OXTR: variants seen among roughly 807,000 people sequenced by gnomAD.
OXTR encodes the protein oxytocin receptor.
In OXTR, 19 loss-of-function variants were observed where a neutral mutation model predicts 23.9. The observed-to-expected ratio is 0.80, with a 90% confidence interval of 0.56 to 1.17. The LOEUF is 1.17. Ranked by LOEUF, OXTR falls within the 50% of genes most tolerant of loss-of-function variation. OXTR has a pLI of 0.00. For missense variants in OXTR, 500 were observed against 550.7 expected (o/e 0.91, Z 0.92); for synonymous variants, 278 against 250.5 (o/e 1.11, Z -1.04).
chr3:8,745,810 C>T (rs769859957), downstream of OXTR: 83 of 1,613,764 alleles, frequency 5.1e-5, 1 homozygote, highest in Middle Eastern at 6.6e-4. This position sits in a 1 kb window ranked among gnomAD's most constrained non-coding sequence, Gnocchi z 4.8. Context: ...ACCCACTCTT[C>T]GCGGCCCTGG....
chr3:8,767,765 G>A lies in OXTR; in HGVS notation c.423C>T (p.Ile141=), dbSNP rs1403050270. The change falls in exon 3 of 4, where the codon ATC becomes ATT. Residue 141 remains isoleucine (I), a synonymous_variant. Transcript: ENST00000316793. Reference sequence around the variant, plus strand: ...GGCGCAGCGAGCGCAGCGGCTGGCAGATGGCCAGGCAGCGGTCCAGGGACA... The same window carrying A: ...GGCGCAGCGAGCGCAGCGGCTGGCAAATGGCCAGGCAGCGGTCCAGGGACA... The part of the protein sequence containing the change: ...LLMSLDRCLA[I]CQPLRSLRRR... 9 of 1,605,776 alleles carry A rather than the reference G, an allele frequency of 5.6e-6. No homozygotes were observed. The South Asian group carries it at 7.7e-5, about 14-fold the overall frequency.
Position 8,768,096 on chromosome 3 carries a change from G to C in OXTR, c.92C>G (p.Pro31Arg). ...PGAEGNRTAG[P>R]PRRNEALARV... Reference sequence around the variant, plus strand: ...CGCCAGGGCCTCGTTGCGCCGCGGGGGTCCGGCGGTGCGGTTGCCCTCGGC... The same window carrying C: ...CGCCAGGGCCTCGTTGCGCCGCGGGCGTCCGGCGGTGCGGTTGCCCTCGGC... The change falls in exon 3 of 4, where the codon CCC becomes CGC. Residue 31 changes from proline (P) to arginine (R), a missense_variant. Physicochemically the swap from Pro to Arg is moderately radical, Grantham distance 103. Transcript: ENST00000316793. The surrounding 1 kb of genome is among the most constrained non-coding windows in gnomAD (Gnocchi z 5.4). 6.9e-7 allele frequency: 1 copy of C among 1,441,816 alleles called. No homozygotes were observed. The highest frequency in any genetic ancestry group is 3.0e-5 in the East Asian group (1 of 33,612). The allele number at this position is 1,441,816 out of a possible 1,614,324, so 89.3% of individuals were successfully genotyped here.
At position 8,767,488 on chromosome 3, in the gene OXTR, T is replaced by G; in HGVS notation, c.700A>C (p.Lys234Gln). 1 of 1,609,740 alleles carries G rather than the reference T, an allele frequency of 6.2e-7. No homozygotes were observed. Among genetic ancestry groups the G allele is most frequent in the South Asian group, 1.1e-5 (1 of 90,714 alleles). ...SFKIWQNLRLKTAAAAAAEAP... is the reference protein window; with the variant it reads ...SFKIWQNLRLQTAAAAAAEAP... Reference sequence around the variant, plus strand: ...TCGGCCGCCGCCGCTGCAGCGGTCTTGAGCCGCAAGTTCTGCCAGATCTTG... The same window carrying G: ...TCGGCCGCCGCCGCTGCAGCGGTCTGGAGCCGCAAGTTCTGCCAGATCTTG... Residue 234 changes from lysine to glutamine, a missense_variant, in exon 3 of 4, where the codon AAG (lysine) becomes CAG (glutamine). By Grantham distance (53) the Lys-to-Gln change is moderately conservative. Transcript: ENST00000316793.
chr3:8,762,041 TG>T (rs1395000882), intron 3 of OXTR, among the ~76,000 whole-genome samples: 1 of 152,166 alleles, frequency 6.6e-6, no homozygotes, highest in Non-Finnish European at 1.5e-5. Context: ...TTCCAAAAGT[TG>T]CCAGGGCAAG....
At chr3:8,742,884 T>A in the OXTR span, among the ~76,000 whole-genome samples, 3 of 152,112 alleles carry the variant, frequency 2.0e-5, no homozygotes, top group African/African-American at 7.2e-5. Context: ...TGAGACTGGG[T>A]AATTTATAAA....
chr3:8,752,721 A>G lies in OXTR; in HGVS notation c.*256T>C, dbSNP rs199687881. ...ACAAGTCCAGGAGAAAAAACAAGCC[A>G]CTCACTGCCCAGGGCAGCAGTGGGT... is the stretch of plus-strand genomic sequence containing the variant. On this transcript the variant is annotated 3_prime_UTR_variant, in exon 4 of 4. Coordinates refer to ENST00000316793, the MANE Select transcript of OXTR (RefSeq NM_000916.4). The G allele has an allele frequency of 2.4e-5, 11 of 454,562 alleles. No homozygotes were observed. The highest frequency in any genetic ancestry group is 4.3e-5 in the Non-Finnish European group (11 of 257,154). 28.2% of individuals were successfully genotyped at this position (454,562 alleles called of 1,614,324 possible).
At chr3:8,763,356 A>G (rs1708531631) in intron 3 of OXTR, among the ~76,000 whole-genome samples, 1 of 152,192 alleles carries the variant, frequency 6.6e-6, no homozygotes, top group African/African-American at 2.4e-5. Flanking sequence ...CAGAGCAGGT[A>G]AAGCAACTGG....
Position 8,767,421 on chromosome 3 carries a change from G to C in OXTR, c.767C>G (p.Ala256Gly). The C allele has an allele frequency of 1.2e-6, 2 of 1,608,298 alleles. No homozygotes were observed. Among genetic ancestry groups the C allele is most frequent in the Non-Finnish European group, 1.7e-6 (2 of 1,177,548 alleles). The change falls in exon 3 of 4, where the codon GCC becomes GGC. Residue 256 changes from alanine (A) to glycine (G), a missense_variant. Coordinates refer to ENST00000316793, the MANE Select transcript of OXTR (RefSeq NM_000916.4). ...GAAAGDGGRV[A>G]LARVSSVKLI... ...CTTGACGCTGCTGACACGCGCCAGG[G>C]CCACGCGCCCCCCATCGCCAGCCGC...
downstream of OXTR, among the ~76,000 whole-genome samples, chr3:8,750,083 C>G (rs2124991179): frequency 6.6e-6 from 1 of 152,282 alleles, no homozygotes; most frequent in Admixed American, 6.5e-5. Context: ...ATGTCCTAAC[C>G]TCAAGGCTGA....
chr3:8,747,521 C>T (rs946965237), downstream of OXTR, among the ~76,000 whole-genome samples: 4 of 152,224 alleles, frequency 2.6e-5, no homozygotes, highest in Non-Finnish European at 4.4e-5. Flanking sequence ...GAGATCAGCA[C>T]ATTTTACCCC....
chr3:8,747,249 T>A (rs1307111045), downstream of OXTR, among the ~76,000 whole-genome samples: 1 of 152,170 alleles, frequency 6.6e-6, no homozygotes, highest in Non-Finnish European at 1.5e-5. Flanking sequence ...CTGCTTCCGC[T>A]CCTAGTTGCC....
At chr3:8,762,800 C>G (rs1044589011) in intron 3 of OXTR, among the ~76,000 whole-genome samples, 1 of 152,232 alleles carries the variant, frequency 6.6e-6, no homozygotes, top group Non-Finnish European at 1.5e-5. Context: ...ACGCTCCTGA[C>G]AGATGTTTGG....
intron 3 of OXTR, 106 bp from the exon 4 acceptor site, chr3:8,753,330 C>A: frequency 1.6e-6 from 2 of 1,286,530 alleles, no homozygotes; most frequent in Non-Finnish European, 1.1e-6. Flanking sequence ...ACAGCCTTGT[C>A]CAAGTACTAC....
chr3:8,763,670 G>T (rs933271913), intron 3 of OXTR, among the ~76,000 whole-genome samples: 3 of 152,144 alleles, frequency 2.0e-5, no homozygotes, highest in South Asian at 4.1e-4. Context: ...ACCCTGCATG[G>T]GGCATCCAGT....
chr3:8,750,961 GT>G lies in OXTR; in HGVS notation c.*2015del, dbSNP rs1263369672. On this transcript the variant is annotated 3_prime_UTR_variant, in exon 4 of 4. Transcript: ENST00000316793. Reference sequence around the variant, plus strand: ...TAACTTTTTGAGGTACTGCCAAACTGTTTTTCAAAGCAGGTGCACCATTTAC... The same window carrying G: ...TAACTTTTTGAGGTACTGCCAAACTGTTTTCAAAGCAGGTGCACCATTTAC... The G allele has an allele frequency of 6.6e-6, 1 of 152,128 alleles. No individual in the cohort carries two copies. Among genetic ancestry groups the G allele is most frequent in the Non-Finnish European group, 1.5e-5 (1 of 68,028 alleles). The allele number at this position is 152,128 out of a possible 1,614,324, so 9.4% of individuals were successfully genotyped here.
At chr3:8,760,663 C>A (rs925317032) in intron 3 of OXTR, among the ~76,000 whole-genome samples, 6 of 152,220 alleles carry the variant, frequency 3.9e-5, no homozygotes, top group Non-Finnish European at 8.8e-5. Context: ...TAAAAGGCAT[C>A]CCCTGGAGTT....
chr3:8,766,981 T>A (rs1343323041), intron 3 of OXTR, among the ~76,000 whole-genome samples: 1 of 152,192 alleles, frequency 6.6e-6, no homozygotes, highest in Non-Finnish European at 1.5e-5. Flanking sequence ...GCCCAAGGAC[T>A]GTGCTAAGGA....
In OXTR at chr3:8,752,083, C is replaced by A. The variant is rs1238276599; in HGVS notation, c.*894G>T. The A allele has an allele frequency of 1.3e-5, 2 of 152,044 alleles. No individual in the cohort carries two copies. Among genetic ancestry groups the A allele is most frequent in the African/African-American group, 4.8e-5 (2 of 41,382 alleles). The allele number at this position is 152,044 out of a possible 1,614,324, so 9.4% of individuals were successfully genotyped here. On this transcript the variant is annotated 3_prime_UTR_variant, in exon 4 of 4. Coordinates refer to ENST00000316793, the MANE Select transcript of OXTR (RefSeq NM_000916.4). ...TTGCACTTGTTTTGTTAAGTTGATT[C>A]CTATTTTATTCTTTCTGATGGTATT...
chr3:8,764,259 G>C (rs1708557179), intron 3 of OXTR, among the ~76,000 whole-genome samples: 1 of 152,162 alleles, frequency 6.6e-6, no homozygotes, highest in South Asian at 2.1e-4. Context: ...TCATGATAAA[G>C]CAGGAACAGA....
Sources: gnomAD v4.1 joint callset for allele counts (sites outside exome capture counted in the v4.1 genomes callset) on GRCh38, gnomAD v4.1.1 for gene constraint, Gnocchi (gnomAD v3.1) non-coding constraint, MANE v1.5 for transcripts, NCBI Gene and HGNC (gene_info 2026-07-23, HGNC 2026-07-21) for gene names.